The following MCC variants were observed in gnomAD, a reference collection of about 807,000 sequenced individuals.
The protein encoded by MCC is colorectal mutant cancer protein.
Under a neutral mutation model 116.2 loss-of-function variants are expected in MCC, and 90 were observed. The ratio of observed to expected loss-of-function variants is 0.77; its 90% confidence interval spans 0.65 to 0.92. MCC has a LOEUF of 0.92. Ranked by LOEUF, MCC falls within the 40% of genes least tolerant of loss-of-function variation. The probability of loss-of-function intolerance (pLI) is 0.00; values close to 1 mark genes in which losing one functional copy is unlikely to be tolerated. For missense variants in MCC, 1,516 were observed against 1,312.2 expected (o/e 1.16, Z -2.40); for synonymous variants, 578 against 510.5 (o/e 1.13, Z -1.78).
intron 3 of MCC, among the ~76,000 whole-genome samples, chr5:113,257,869 G>C (rs114437032): frequency 6.6e-6 from 1 of 152,176 alleles, no homozygotes; most frequent in African/African-American, 2.4e-5. Context: ...TCTATCTAGA[G>C]CACAGGTATA....
At chr5:113,381,926 A>G (rs1190384878) in intron 2 of MCC, among the ~76,000 whole-genome samples, 1 of 152,222 alleles carries the variant, frequency 6.6e-6, no homozygotes, top group Admixed American at 6.5e-5. Context: ...ACATGGTGTC[A>G]AGAAGTCCAA....
At chr5:113,407,879 C>T (rs1470161024) in intron 1 of MCC, among the ~76,000 whole-genome samples, 3 of 152,078 alleles carry the variant, frequency 2.0e-5, no homozygotes, top group African/African-American at 4.8e-5. Context: ...CTCCCACTTA[C>T]GTAAACTCCC....
chr5:113,043,347 GCT>G (rs948751261), intron 17 of MCC, among the ~76,000 whole-genome samples, 181 bp downstream of exon 17: 7 of 152,186 alleles, frequency 4.6e-5, no homozygotes, highest in African/African-American at 1.7e-4. Context: ...TCTCTTAAGT[GCT>G]CTCTCTTCTC....
At chr5:113,233,640 C>G (rs1164677468) in intron 3 of MCC, among the ~76,000 whole-genome samples, 1 of 152,204 alleles carries the variant, frequency 6.6e-6, no homozygotes, top group Non-Finnish European at 1.5e-5. Flanking sequence ...CTCTCTCTCA[C>G]TGTCCCTTTG....
intron 17 of MCC, among the ~76,000 whole-genome samples, chr5:113,043,082 G>C (rs986821864): frequency 1.3e-5 from 2 of 152,138 alleles, no homozygotes; most frequent in Admixed American, 1.3e-4. Flanking sequence ...GAACTGGGGG[G>C]CGGTGAGGGG....
intron 3 of MCC, among the ~76,000 whole-genome samples, chr5:113,232,459 T>C (rs1350767610): frequency 6.6e-6 from 1 of 152,180 alleles, no homozygotes; most frequent in African/African-American, 2.4e-5. Flanking sequence ...TGCCCAAGTC[T>C]ATCAGCTTTC....
At chr5:113,155,992 T>G (rs1760149518) in intron 3 of MCC, among the ~76,000 whole-genome samples, 1 of 152,166 alleles carries the variant, frequency 6.6e-6, no homozygotes, top group South Asian at 2.1e-4. Context: ...GCACATCCTT[T>G]TTCCTTTCAT....
intron 3 of MCC, among the ~76,000 whole-genome samples, chr5:113,204,916 A>C (rs968652437): frequency 1.3e-5 from 2 of 152,234 alleles, no homozygotes. Flanking sequence ...GAAAACAGTC[A>C]AACACCTAAT....
At chr5:113,255,241 C>T (rs1029213728) in intron 3 of MCC, among the ~76,000 whole-genome samples, 2 of 152,154 alleles carry the variant, frequency 1.3e-5, no homozygotes, top group Non-Finnish European at 2.9e-5. Context: ...TGAGAGCCGA[C>T]ATGTGAGCCA....
chr5:113,292,706 C>G (rs544263379), intron 3 of MCC, among the ~76,000 whole-genome samples: 8 of 152,316 alleles, frequency 5.3e-5, no homozygotes, highest in Admixed American at 2.6e-4. Flanking sequence ...TCTAGCCCCC[C>G]CTTCTCCTAA....
At chr5:113,233,548 G>A (rs1764015902) in intron 3 of MCC, among the ~76,000 whole-genome samples, 1 of 152,146 alleles carries the variant, frequency 6.6e-6, no homozygotes, top group Non-Finnish European at 1.5e-5. Flanking sequence ...TCTAATGATT[G>A]AGAAAAGGAA....
intron 11 of MCC, among the ~76,000 whole-genome samples, chr5:113,080,668 G>T (rs778946107): frequency 7.1e-4 from 108 of 152,034 alleles, no homozygotes; most frequent in Non-Finnish European, 1.4e-3. Context: ...TGGAGGGAGC[G>T]GGGAGGGATA....
chr5:113,174,597 A>AC (rs1041121466), intron 3 of MCC, among the ~76,000 whole-genome samples: 1 of 151,008 alleles, frequency 6.6e-6, no homozygotes, highest in Non-Finnish European at 1.5e-5. Context: ...GTTAAAAAAT[A>AC]TTTTTTTTCT....
At chr5:113,029,970 G>A (rs765557420) in intron 17 of MCC, among the ~76,000 whole-genome samples, 1 of 152,206 alleles carries the variant, frequency 6.6e-6, no homozygotes, top group African/African-American at 2.4e-5. Flanking sequence ...CCAGTGCTGA[G>A]CACCGTGCCT....
intron 3 of MCC, among the ~76,000 whole-genome samples, chr5:113,304,004 C>T (rs1388039235): frequency 1.3e-5 from 2 of 152,130 alleles, no homozygotes; most frequent in Non-Finnish European, 2.9e-5. Context: ...TACTAGTAAA[C>T]TATGAGAATG....
At chr5:113,379,803 C>A (rs1371745900) in intron 2 of MCC, among the ~76,000 whole-genome samples, 1 of 152,066 alleles carries the variant, frequency 6.6e-6, no homozygotes, top group Non-Finnish European at 1.5e-5. Context: ...GAATGCATGG[C>A]CTAAGAGAAG....
At chr5:113,201,887 C>T (rs893368637) in intron 3 of MCC, among the ~76,000 whole-genome samples, 14 of 152,082 alleles carry the variant, frequency 9.2e-5, no homozygotes, top group Non-Finnish European at 1.9e-4. Context: ...TTTCCTGTCC[C>T]GCCATCCAAG....
chr5:113,308,505 T>C (rs928141820), intron 3 of MCC, among the ~76,000 whole-genome samples: 3 of 152,148 alleles, frequency 2.0e-5, no homozygotes, highest in Non-Finnish European at 2.9e-5. Flanking sequence ...CCTCCAGACC[T>C]TTCCACAGTT....
chr5:113,039,196 C>T (rs1751517720), intron 17 of MCC, among the ~76,000 whole-genome samples: 1 of 152,194 alleles, frequency 6.6e-6, no homozygotes, highest in Non-Finnish European at 1.5e-5. Flanking sequence ...AAGCACAGAT[C>T]CTTACTTTAA....
Sources: gnomAD v4.1 joint callset for allele counts (sites outside exome capture counted in the v4.1 genomes callset) on GRCh38, gnomAD v4.1.1 for gene constraint, MANE v1.5 for transcripts, NCBI Gene and HGNC (gene_info 2026-07-23, HGNC 2026-07-21) for gene names.